The following SLC28A3 variants were observed in gnomAD, a reference collection of about 807,000 sequenced individuals.
The protein encoded by SLC28A3 is solute carrier family 28 member 3.
Under a neutral mutation model 84.2 loss-of-function variants are expected in SLC28A3, and 68 were observed. The observed-to-expected ratio is 0.81, with a 90% CI of 0.66 to 0.99. The LOEUF is 0.99. Among genes scored for constraint, SLC28A3 ranks in the 50% least tolerant of loss-of-function variants. The pLI is 0.00. For missense variants in SLC28A3, 712 were observed against 841.5 expected, an observed-to-expected ratio of 0.85 and a Z score of 1.90; for synonymous variants, 267 against 303.6, an observed-to-expected ratio of 0.88 and a Z score of 1.25.
At chr9:84,329,806 G>C (rs1017159113) in intron 1 of SLC28A3, among the ~76,000 whole-genome samples, 1 of 152,214 alleles carries the variant, frequency 6.6e-6, no homozygotes, top group Admixed American at 6.5e-5. Context: ...GGCTGGGGTG[G>C]GTGGATTGCT....
chr9:84,290,832 A>AAAACAAAC (rs59932389), intron 10 of SLC28A3, among the ~76,000 whole-genome samples: 22,379 of 150,866 alleles, frequency 0.15, 2,055 homozygotes, highest in African/African-American at 0.25. Flanking sequence ...ACAAGCATTA[A>AAAACAAAC]AAACAAACAA....
At chr9:84,280,122 T>G in intron 15 of SLC28A3, 49 bp from the exon 16 acceptor site, 1 of 1,559,906 alleles carries the variant, frequency 6.4e-7, no homozygotes, top group Non-Finnish European at 8.8e-7. Flanking sequence ...AAGTACTGAT[T>G]AAAACTCTTA....
chr9:84,278,267 A>C lies in SLC28A3; in HGVS notation c.2027T>G (p.Leu676Trp), dbSNP rs1824597034. The change falls in exon 18 of 18, where the codon TTG (leucine) becomes TGG (tryptophan). Residue 676 changes from leucine (L) to tryptophan (W), a missense_variant. Transcript: ENST00000376238. ...GCAGTTAAAGGTCGATGGATTCAAC[A>C]ATGTGCAGCAGCCCTTCAAAGAATA... Reference protein sequence around the residue: ...SLYSLKGCCTLLNPSTFNCNG... With the variant: ...SLYSLKGCCTWLNPSTFNCNG... The C allele has an allele frequency of 6.2e-7, 1 of 1,614,118 alleles. No homozygotes were observed.
chr9:84,321,918 T>A (rs2118506600), intron 1 of SLC28A3, among the ~76,000 whole-genome samples: 1 of 150,048 alleles, frequency 6.7e-6, no homozygotes, highest in Non-Finnish European at 1.5e-5. Flanking sequence ...GGTGTGGTGG[T>A]GAGCGCCTGT....
intron 1 of SLC28A3, among the ~76,000 whole-genome samples, chr9:84,320,817 C>G (rs1265742523): frequency 6.6e-6 from 1 of 151,878 alleles, no homozygotes; most frequent in Non-Finnish European, 1.5e-5. Flanking sequence ...TGGCGAAACC[C>G]TGTCTCTACT....
At chr9:84,306,755 T>C (rs1190201666) in intron 3 of SLC28A3, among the ~76,000 whole-genome samples, 1 of 152,046 alleles carries the variant, frequency 6.6e-6, no homozygotes, top group Non-Finnish European at 1.5e-5. Flanking sequence ...ATGTATTGAT[T>C]GATAGATGAA....
intron 1 of SLC28A3, 108 bp downstream of exon 1, chr9:84,340,466 G>C (rs75126761): frequency 4.7e-5 from 56 of 1,191,276 alleles, no homozygotes; most frequent in Non-Finnish European, 6.2e-5. Flanking sequence ...GTTAAAAATC[G>C]TATTGTCCTG....
At chr9:84,286,921 G>A (rs1588564606) in intron 12 of SLC28A3, among the ~76,000 whole-genome samples, 1 of 152,138 alleles carries the variant, frequency 6.6e-6, no homozygotes, top group Non-Finnish European at 1.5e-5. Context: ...TACATTGTGT[G>A]TCCGGGTGCA....
chr9:84,361,149 T>A, the SLC28A3 span, among the ~76,000 whole-genome samples: 2 of 152,052 alleles, frequency 1.3e-5, no homozygotes, highest in African/African-American at 4.8e-5. Context: ...ATAGAGACCA[T>A]CCTGGCCAAC....
At chr9:84,356,101 G>A in the SLC28A3 span, among the ~76,000 whole-genome samples, 1 of 152,196 alleles carries the variant, frequency 6.6e-6, no homozygotes, top group Non-Finnish European at 1.5e-5. Context: ...TTATAGGCAT[G>A]AGCCACTGCA....
At chr9:84,353,973 C>T in the SLC28A3 span, among the ~76,000 whole-genome samples, 1 of 152,208 alleles carries the variant, frequency 6.6e-6, no homozygotes, top group Non-Finnish European at 1.5e-5. Context: ...AAAAATCCTA[C>T]TTATCGGCTT....
Position 84,302,325 on chromosome 9 carries a change from C to T in SLC28A3, c.399G>A (p.Val133=). 6.2e-7 allele frequency: 1 copy of T among 1,614,088 alleles called. No individual in the cohort carries two copies. Among genetic ancestry groups the T allele is most frequent in the Non-Finnish European group, 8.5e-7 (1 of 1,180,020 alleles). ...LNFHRALPLF[V]ITVAAIFFVV... is the part of the protein sequence containing the mutation. Reference sequence around the variant, plus strand: ...CAAAGAAGATGGCAGCCACGGTGATCACAAAAAGAGGAAGGGCTCTGTGAA... The same window carrying T: ...CAAAGAAGATGGCAGCCACGGTGATTACAAAAAGAGGAAGGGCTCTGTGAA... The change falls in exon 5 of 18, where the codon GTG becomes GTA. Residue 133 remains valine, a synonymous_variant. Transcript: ENST00000376238.
chr9:84,348,853 C>T, the SLC28A3 span, among the ~76,000 whole-genome samples: 4 of 152,142 alleles, frequency 2.6e-5, no homozygotes, highest in African/African-American at 9.7e-5. Flanking sequence ...TCTCCAGCGG[C>T]TAGTGCCATG....
In SLC28A3 at chr9:84,275,796, C is replaced by T. The variant is rs1482094888; in HGVS notation, c.*2422G>A. The T allele has an allele frequency of 1.3e-5, 2 of 152,154 alleles. No homozygotes were observed. Among genetic ancestry groups the T allele is most frequent in the Non-Finnish European group, 2.9e-5 (2 of 68,048 alleles). 9.4% of individuals were successfully genotyped at this position (152,154 alleles called of 1,614,324 possible). ...CTCTTATAATATAGCTCAGGAATAA[C>T]ACCCCCTTTCTCAGTTCAAGGATGC... On this transcript the variant is annotated 3_prime_UTR_variant, in exon 18 of 18. Coordinates refer to ENST00000376238, the MANE Select transcript of SLC28A3 (RefSeq NM_001199633.2).
rs767562584 is a variant in SLC28A3, at chr9:84,278,270, G to A, written c.2024C>T (p.Thr675Ile). Residue 675 changes from threonine (T) to isoleucine (I), a missense_variant, in exon 18 of 18, where the codon ACA (threonine) becomes ATA (isoleucine). Transcript: ENST00000376238. ...HSLYSLKGCC[T>I]LLNPSTFNCN... ...GTTAAAGGTCGATGGATTCAACAAT[G>A]TGCAGCAGCCCTTCAAAGAATACAG... 2 of 1,614,118 alleles carry A rather than the reference G, an allele frequency of 1.2e-6. No individual in the cohort carries two copies. Among genetic ancestry groups the A allele is most frequent in the South Asian group, 2.2e-5 (2 of 91,078 alleles).
At chr9:84,289,097 A>G (rs757937468) in intron 11 of SLC28A3, among the ~76,000 whole-genome samples, 4 of 151,928 alleles carry the variant, frequency 2.6e-5, no homozygotes, top group African/African-American at 7.3e-5. Context: ...TCTCTTCCAC[A>G]TATTTTCAGA....
the SLC28A3 span, among the ~76,000 whole-genome samples, chr9:84,358,760 G>A: frequency 6.6e-6 from 1 of 152,106 alleles, no homozygotes; most frequent in African/African-American, 2.4e-5. Flanking sequence ...GAATGATTCA[G>A]CAAAATACTG....
In SLC28A3 at chr9:84,309,523, C is replaced by CAAAAAAAAAAA. The variant is rs71366931; in HGVS notation, c.242+95_242+105dup. On this transcript the variant is annotated intron_variant, in intron 3 of 17. Coordinates refer to ENST00000376238, the MANE Select transcript of SLC28A3 (RefSeq NM_001199633.2). ...GGGTGACAAAGTGAGACTCTTATCT[C>CAAAAAAAAAAA]AAAAAAAAAAAAAAAAAAAAAAAAA... The CAAAAAAAAAAA allele has an allele frequency of 1.4e-4, 34 of 239,256 alleles. 1 individual carries two copies. Among genetic ancestry groups the CAAAAAAAAAAA allele is most frequent in the African/African-American group, 2.2e-4 (4 of 18,438 alleles). The allele number at this position is 239,256 out of a possible 1,614,324, so 14.8% of individuals were successfully genotyped here. A position where few individuals can be genotyped will look rare whatever the true frequency, so the allele number is the denominator to read the frequency against.
chr9:84,291,536 G>A (rs1327650125), intron 10 of SLC28A3, among the ~76,000 whole-genome samples: 5 of 152,034 alleles, frequency 3.3e-5, no homozygotes, highest in South Asian at 2.1e-4. Context: ...GGGTTTCTCC[G>A]TGTTGGTCAG....
Sources: allele counts gnomAD v4.1 joint callset (sites outside exome capture counted in the v4.1 genomes callset), GRCh38; gene constraint gnomAD v4.1.1; transcripts MANE v1.5; gene names NCBI Gene and HGNC (gene_info 2026-07-23, HGNC 2026-07-21).